KCP: variants seen among roughly 807,000 people sequenced by gnomAD.
KCP encodes the protein kielin cysteine rich BMP regulator.
In KCP, 194 loss-of-function variants were observed where a neutral mutation model predicts 212.7. The observed-to-expected ratio is 0.91, with a 90% CI of 0.81 to 1.03. The LOEUF is 1.03. KCP is among the 50% of genes least tolerant of loss of function. The probability of loss-of-function intolerance (pLI) is 0.00; values close to 1 mark genes in which losing one functional copy is unlikely to be tolerated. For missense variants in KCP, 2,080 were observed against 2,162.5 expected (o/e 0.96, Z 0.76); for synonymous variants, 833 against 865.3 (o/e 0.96, Z 0.65).
At position 128,884,033 on chromosome 7, in the gene KCP, AG is replaced by A. The variant is rs1474303761; in HGVS notation, c.3212del (p.Pro1071LeufsTer14). The A allele has an allele frequency of 1.3e-6, 2 of 1,547,804 alleles. No individual in the cohort carries two copies. The highest frequency in any genetic ancestry group is 4.9e-5 in the East Asian group (2 of 40,780). ...AGGTGGGACAGCAGTGCTGGGGCCC[AG>A]GGGGCAGGAGCTGGCTGGGGGGGCA... ...VGCPPSQLLP[P>X]GPQHCCPTCA... On this transcript the variant is annotated frameshift_variant, in exon 29 of 40. Transcript: ENST00000610776. LOFTEE classifies it high-confidence loss of function.
chr7:128,892,745 A>G lies in KCP; in HGVS notation c.1470T>C (p.Tyr490=), dbSNP rs1380028326. The G allele has an allele frequency of 6.4e-7, 1 of 1,551,750 alleles. No homozygotes were observed. Among genetic ancestry groups the G allele is most frequent in the Admixed American group, 2.0e-5 (1 of 51,004 alleles). Residue 490 remains tyrosine, a synonymous_variant, in exon 15 of 40, where the codon TAT becomes TAC. Coordinates refer to ENST00000610776, the MANE Select transcript of KCP (RefSeq NM_001366122.1). ...CATCCGTGAAGTTCTGCCCATTGGC[A>G]TACACTTGGCTGTGGTAGGTGCAGC... ...CDSCTYHSQV[Y]ANGQNFTDAD...
At chr7:128,881,757 G>A in intron 30 of KCP, 32 bp from the exon 31 acceptor site, 1 of 1,504,652 alleles carries the variant, frequency 6.6e-7, no homozygotes, top group East Asian at 2.5e-5. Context: ...GTAGAGAATG[G>A]CAGATCTCAG....
At position 128,890,469 on chromosome 7, in the gene KCP, G is replaced by A; in HGVS notation, c.2209C>T (p.Pro737Ser). ...AGGTGGCAGGCAGCAGTGGGCGATGGGAAGCGCTCCCCGCTGGCAAACTCC... is the reference window on the plus strand; with the variant it reads ...AGGTGGCAGGCAGCAGTGGGCGATGAGAAGCGCTCCCCGCTGGCAAACTCC... ...GKEFASGERF[P>S]SPTAACHLCL... The change falls in exon 21 of 40, where the codon CCA becomes TCA. Residue 737 changes from proline (P) to serine (S), a missense_variant. Coordinates refer to ENST00000610776, the MANE Select transcript of KCP (RefSeq NM_001366122.1). 5.2e-6 allele frequency: 8 copies of A among 1,550,824 alleles called. No homozygotes were observed. The highest frequency in any genetic ancestry group is 7.0e-6 in the Non-Finnish European group (8 of 1,146,936).
rs757163348 is a variant in KCP, at chr7:128,877,292, C to G, written c.4638G>C (p.Glu1546Asp). The change falls in exon 40 of 40, where the codon GAG (glutamate) becomes GAC (aspartate). Residue 1546 changes from glutamate (E) to aspartate (D), a missense_variant. Physicochemically the swap from Glu to Asp is conservative, Grantham distance 45. Transcript: ENST00000610776. The part of the protein sequence containing the change: ...PTLCVVGCPL[E>D]RGFVFDECGP... The stretch of plus-strand genomic sequence containing the variant: ...CGCACTCATCAAACACGAAGCCACG[C>G]TCCAGGGGGCAGCCTACCACTGCAG... The G allele has an allele frequency of 4.6e-6, 7 of 1,515,590 alleles. No individual in the cohort carries two copies. In the South Asian group the frequency reaches 8.9e-5, roughly 19 times the overall value. The allele number at this position is 1,515,590 out of a possible 1,614,324, so 93.9% of individuals were successfully genotyped here.
chr7:128,893,496 C>T lies in KCP; in HGVS notation c.1100-20G>A, dbSNP rs113347628. On this transcript the variant is annotated intron_variant, in intron 11 of 39. Coordinates refer to ENST00000610776, the MANE Select transcript of KCP (RefSeq NM_001366122.1). ...CACAGCCTGGATGGGATGACAGGGG[C>T]GTGGGGGTATAGGGCTGGAGGCAGA... The T allele has an allele frequency of 1.1e-5, 17 of 1,516,708 alleles. No individual in the cohort carries two copies. Among genetic ancestry groups the T allele is most frequent in the Middle Eastern group, 1.7e-4 (1 of 5,948 alleles). 94.0% of individuals were successfully genotyped at this position (1,516,708 alleles called of 1,614,324 possible). A position where few individuals can be genotyped will look rare whatever the true frequency, so the allele number is the denominator to read the frequency against.
At chr7:128,904,007 G>T in intron 6 of KCP, 49 bp downstream of exon 6, 1 of 1,486,170 alleles carries the variant, frequency 6.7e-7, no homozygotes. Flanking sequence ...GGGCAGGGCA[G>T]GTGTCCAGGG....
chr7:128,908,463 C>A lies in KCP; in HGVS notation c.182G>T (p.Gly61Val). 6.4e-7 allele frequency: 1 copy of A among 1,551,926 alleles called. No homozygotes were observed. Among genetic ancestry groups the A allele is most frequent in the Non-Finnish European group, 8.7e-7 (1 of 1,147,046 alleles). The change falls in exon 2 of 40, where the codon GGG (glycine) becomes GTG (valine). Residue 61 changes from glycine (G) to valine (V), a missense_variant. Physicochemically the swap from Gly to Val is moderately radical, Grantham distance 109 (BLOSUM62 -3). Transcript: ENST00000610776. ...EQWHPLREWLGRLEAAVMELR... is the reference protein window; with the variant it reads ...EQWHPLREWLVRLEAAVMELR... ...CTCCATCACTGCAGCCTCCAGTCGC[C>A]CCAGCCACTCTCGCAGGGGGTGCCA... is the stretch of plus-strand genomic sequence containing the variant.
intron 22 of KCP, 21 bp from the exon 23 acceptor site, chr7:128,887,321 A>G: frequency 6.5e-7 from 1 of 1,539,800 alleles, no homozygotes; most frequent in Middle Eastern, 1.8e-4. Flanking sequence ...GGGGAGTCCA[A>G]CAGAAGAGCT....
chr7:128,902,693 G>GC, intron 8 of KCP, 84 bp downstream of exon 8: 1 of 1,274,468 alleles, frequency 7.8e-7, no homozygotes, highest in Non-Finnish European at 1.1e-6. Flanking sequence ...ACACCTCTGC[G>GC]AAGTACTCCA....
chr7:128,904,015 G>A (rs1433777717), intron 6 of KCP, 41 bp downstream of exon 6: 1 of 1,518,156 alleles, frequency 6.6e-7, no homozygotes, highest in African/African-American at 1.4e-5. Context: ...CAGGTGTCCA[G>A]GGAGGTGCAG....
At chr7:128,893,532 CA>C (rs1794316380) in intron 11 of KCP, 56 bp from the exon 12 acceptor site, 1 of 1,336,646 alleles carries the variant, frequency 7.5e-7, no homozygotes, top group African/African-American at 1.5e-5. Context: ...GGGGAAGCTT[CA>C]CGTCACCCTG....
At chr7:128,890,228 T>G in intron 21 of KCP, 115 bp downstream of exon 21, 1 of 1,533,438 alleles carries the variant, frequency 6.5e-7, no homozygotes, top group Non-Finnish European at 8.8e-7. Flanking sequence ...CCTCGGGGCT[T>G]TTTCTTACTG....
At chr7:128,893,615 G>GC (rs961809447) in intron 11 of KCP, 139 bp from the exon 12 acceptor site, 7 of 947,358 alleles carry the variant, frequency 7.4e-6, no homozygotes, top group African/African-American at 1.6e-5. Context: ...GCAGCCCCCT[G>GC]CCCCCCACAG....
At position 128,877,511 on chromosome 7, in the gene KCP, G is replaced by T. The variant is rs1190601927; in HGVS notation, c.4591C>A (p.Pro1531Thr). ...CACAGCGTGGGGCCTCGCCAGGTAGGTGTCACTCCTGCCTGGCGACAGTGA... is the reference window on the plus strand; with the variant it reads ...CACAGCGTGGGGCCTCGCCAGGTAGTTGTCACTCCTGCCTGGCGACAGTGA... ...ASHCRQAGVT[P>T]TWRGPTLCVV... The change falls in exon 39 of 40, where the codon CCT becomes ACT. Residue 1531 changes from proline to threonine, a missense_variant. Transcript: ENST00000610776. 3.4e-5 allele frequency: 53 copies of T among 1,551,334 alleles called. No individual in the cohort carries two copies. The highest frequency in any genetic ancestry group is 4.4e-5 in the Non-Finnish European group (51 of 1,146,980).
rs1794090478 is a variant in KCP, at chr7:128,891,087, G to A, written c.1982C>T (p.Ala661Val). 6.2e-6 allele frequency: 9 copies of A among 1,440,224 alleles called. No individual in the cohort carries two copies. Among genetic ancestry groups the A allele is most frequent in the African/African-American group, 1.5e-5 (1 of 67,470 alleles). 89.2% of individuals were successfully genotyped at this position (1,440,224 alleles called of 1,614,324 possible). The change falls in exon 20 of 40, where the codon GCC becomes GTC. Residue 661 changes from alanine (A) to valine (V), a missense_variant. By Grantham distance (64) the Ala-to-Val change is moderately conservative. Coordinates refer to ENST00000610776, the MANE Select transcript of KCP (RefSeq NM_001366122.1). ...ECCPQCPAAP[A>V]PAGCPRPGAA... ...GCCGGGCCGTGGGCAGCCGGCGGGGGCTGGGGCGGCTGCGGCGAGACAGCG... is the reference window on the plus strand; with the variant it reads ...GCCGGGCCGTGGGCAGCCGGCGGGGACTGGGGCGGCTGCGGCGAGACAGCG...
Position 128,892,618 on chromosome 7 carries a change from G to A in KCP, c.1528-11C>T, listed in dbSNP as rs546107233. On this transcript the variant is annotated splice_polypyrimidine_tract_variant and intron_variant, in intron 15 of 39. Transcript: ENST00000610776. Reference sequence around the variant, plus strand: ...TGTCACAGTTCCATCCTGCGAGAGAGCAGGGGAGAGAGCAATCGGGGCATG... The same window carrying A: ...TGTCACAGTTCCATCCTGCGAGAGAACAGGGGAGAGAGCAATCGGGGCATG... 1.3e-6 allele frequency: 2 copies of A among 1,551,226 alleles called. No homozygotes were observed. Among genetic ancestry groups the A allele is most frequent in the Admixed American group, 2.0e-5 (1 of 50,992 alleles).
rs1362513251 is a variant in KCP, at chr7:128,891,511, C to T, written c.1818G>A (p.Glu606=). ...GGGGGAAGTCCGCTCCGCTGGGGTA[C>T]TCTTTCCCGCCAAAGGCACAGCCTG... ...DCSGCAFGGK[E]YPSGADFPHP... The change falls in exon 18 of 40, where the codon GAG becomes GAA. Residue 606 remains glutamate (E), a synonymous_variant. Transcript: ENST00000610776. 1.3e-6 allele frequency: 2 copies of T among 1,549,894 alleles called. No homozygotes were observed. The highest frequency in any genetic ancestry group is 1.7e-4 in the Middle Eastern group (1 of 5,946).
In KCP at chr7:128,879,562, C is replaced by G; in HGVS notation, c.4106G>C (p.Arg1369Pro). Residue 1369 changes from arginine to proline, a missense_variant, in exon 37 of 40, where the codon CGA becomes CCA. Transcript: ENST00000610776. Reference protein sequence around the residue: ...LQEPLLYVELRGHTVILHAQP... With the variant: ...LQEPLLYVELPGHTVILHAQP... Reference sequence around the variant, plus strand: ...GGCGTGCAGGATCACAGTGTGTCCTCGCAGCTCCACATACAGCAGCGGCTC... The same window carrying G: ...GGCGTGCAGGATCACAGTGTGTCCTGGCAGCTCCACATACAGCAGCGGCTC... 4 of 1,550,430 alleles carry G rather than the reference C, an allele frequency of 2.6e-6. No individual in the cohort carries two copies. The highest frequency in any genetic ancestry group is 3.5e-6 in the Non-Finnish European group (4 of 1,146,982).
chr7:128,908,713 C>T (rs1027158423), intron 1 of KCP, 145 bp from the exon 2 acceptor site: 17 of 894,216 alleles, frequency 1.9e-5, no homozygotes, highest in East Asian at 2.7e-5. Flanking sequence ...CATCCAGGGC[C>T]GGGAAGCCAG....
Sources: gnomAD v4.1 joint callset for allele counts on GRCh38, gnomAD v4.1.1 for gene constraint, MANE v1.5 for transcripts, NCBI Gene and HGNC (gene_info 2026-07-23, HGNC 2026-07-21) for gene names.